Variants in GRM1 observed in about 807,000 individuals in gnomAD.
GRM1 encodes the protein metabotropic glutamate receptor 1.
A neutral mutation model predicts 90.9 loss-of-function variants in GRM1; 33 were observed. That is an observed-to-expected ratio of 0.36 (90% CI 0.28 to 0.49). The LOEUF (loss-of-function observed/expected upper bound fraction) is 0.49. GRM1 is among the 20% of genes least tolerant of loss of function. The pLI is 0.99. For missense variants in GRM1, 1,190 were observed against 1,534.3 expected, an observed-to-expected ratio of 0.78 and a Z score of 3.75; for synonymous variants, 700 against 613.2, an observed-to-expected ratio of 1.14 and a Z score of -2.09.
At chr6:146,189,622 C>T (rs1778866722) in intron 2 of GRM1, among the ~76,000 whole-genome samples, 1 of 152,070 alleles carries the variant, frequency 6.6e-6, no homozygotes, top group Non-Finnish European at 1.5e-5. Context: ...TTAATAAAAA[C>T]CTTCAGTACA....
chr6:146,044,800 AT>A (rs1791262789), intron 1 of GRM1, among the ~76,000 whole-genome samples: 1 of 152,010 alleles, frequency 6.6e-6, no homozygotes, highest in Non-Finnish European at 1.5e-5. Context: ...ATGAAAAAAA[AT>A]CGAGTGAGTG....
chr6:146,166,539 A>G (rs1777910396), intron 2 of GRM1, among the ~76,000 whole-genome samples: 1 of 152,138 alleles, frequency 6.6e-6, no homozygotes, highest in Non-Finnish European at 1.5e-5. Context: ...TCGGAGTAGT[A>G]AAAAACAATT....
intron 1 of GRM1, among the ~76,000 whole-genome samples, chr6:146,128,532 G>A (rs770442060): frequency 1.3e-5 from 2 of 152,062 alleles, no homozygotes; most frequent in Non-Finnish European, 2.9e-5. Context: ...CATGGCTCTA[G>A]AGTTTGTACT....
At chr6:146,057,620 C>A (rs1245450620) in intron 1 of GRM1, among the ~76,000 whole-genome samples, 1 of 152,058 alleles carries the variant, frequency 6.6e-6, no homozygotes, top group Admixed American at 6.6e-5. Flanking sequence ...AGAAGTACAA[C>A]TTGAATAAAG....
chr6:146,029,370 G>C lies in GRM1; in HGVS notation c.-148G>C, dbSNP rs1790624016. ...GAAGGGGAAGGAGGCGGTGGTGGAG[G>C]AGGCAAAGGCCTTGGACGACCATTG... On this transcript the variant is annotated 5_prime_UTR_variant, in exon 1 of 8. Coordinates refer to ENST00000282753, the MANE Select transcript of GRM1 (RefSeq NM_001278064.2). The C allele has an allele frequency of 1.4e-6, 1 of 726,956 alleles. No homozygotes were observed. 45.0% of individuals were successfully genotyped at this position (726,956 alleles called of 1,614,324 possible).
At chr6:146,353,551 TCTCA>T (rs755663628) in intron 4 of GRM1, among the ~76,000 whole-genome samples, 2 of 152,190 alleles carry the variant, frequency 1.3e-5, no homozygotes, top group Non-Finnish European at 2.9e-5. Flanking sequence ...AGGCAAGTGC[TCTCA>T]CTCTGAGGCT....
chr6:146,174,057 C>T (rs574921191), intron 2 of GRM1, among the ~76,000 whole-genome samples: 7 of 151,950 alleles, frequency 4.6e-5, no homozygotes, highest in Admixed American at 2.6e-4. Context: ...TATCTGACAT[C>T]TTATCTCTAA....
intron 1 of GRM1, among the ~76,000 whole-genome samples, chr6:146,142,654 C>T (rs374933186): frequency 7.6e-5 from 11 of 143,870 alleles, no homozygotes; most frequent in Non-Finnish European, 9.2e-5. Context: ...CAAGCAGAGG[C>T]GTTTCTCCGC....
chr6:146,172,566 TA>T (rs1260918386), intron 2 of GRM1, among the ~76,000 whole-genome samples: 1 of 152,012 alleles, frequency 6.6e-6, no homozygotes, highest in East Asian at 1.9e-4. Context: ...AAATATTTGG[TA>T]GAGGAGTGAG....
rs1776749682 is a variant in GRM1, at chr6:146,092,593, A to G, written c.700+62376A>G. Among the ~76,000 whole-genome samples, 3 of 152,010 alleles carry G rather than the reference A, an allele frequency of 2.0e-5. No homozygotes were observed. The South Asian group carries it at 6.2e-4, about 32-fold the overall frequency. On this transcript the variant is annotated intron_variant, in intron 1 of 7. Transcript: ENST00000282753. ...GGCATGGAGTATGGGTATCTGTTTT[A>G]CTCAATGTGTGCTTGGATCAAGGAC...
At chr6:146,310,643 T>A (rs1562599218) in intron 3 of GRM1, among the ~76,000 whole-genome samples, 1 of 152,236 alleles carries the variant, frequency 6.6e-6, no homozygotes, top group Non-Finnish European at 1.5e-5. Flanking sequence ...TACCATTTAT[T>A]AACTCTAAGT....
rs1381323847 is a variant in GRM1, at chr6:146,353,109, A to G, written c.1433+613A>G. Among the ~76,000 whole-genome samples, 8 of 152,292 alleles carry G rather than the reference A, an allele frequency of 5.3e-5. No individual in the cohort carries two copies. The South Asian group carries it at 1.0e-3, about 20-fold the overall frequency. ...AAGTAAACCAAGGTATATACATAAA[A>G]TCCTCTCCAAGCCGTTTTACATACA... On this transcript the variant is annotated intron_variant, in intron 4 of 7. Coordinates refer to ENST00000282753, the MANE Select transcript of GRM1 (RefSeq NM_001278064.2).
chr6:146,280,509 C>T (rs888603909), intron 2 of GRM1, among the ~76,000 whole-genome samples: 3 of 152,272 alleles, frequency 2.0e-5, no homozygotes, highest in Non-Finnish European at 2.9e-5. Context: ...CCTTAATATA[C>T]ACAGAACGCT....
chr6:146,116,870 T>G (rs1414115049), intron 1 of GRM1, among the ~76,000 whole-genome samples: 3 of 152,040 alleles, frequency 2.0e-5, no homozygotes, highest in African/African-American at 7.2e-5. Flanking sequence ...ATTTCTTATT[T>G]TGGCATAAAA....
At chr6:146,073,382 G>A (rs73577002) in intron 1 of GRM1, among the ~76,000 whole-genome samples, 3,263 of 152,180 alleles carry the variant, frequency 0.021, 111 homozygotes, top group African/African-American at 0.074. Flanking sequence ...TTTAAAGTAA[G>A]GCATGGTGTA....
At chr6:146,105,426 A>G (rs1443503503) in intron 1 of GRM1, among the ~76,000 whole-genome samples, 1 of 152,316 alleles carries the variant, frequency 6.6e-6, no homozygotes, top group African/African-American at 2.4e-5. Flanking sequence ...CAAATGAAAC[A>G]TTAGTAGTAA....
At chr6:146,058,083 C>T (rs182974810) in intron 1 of GRM1, among the ~76,000 whole-genome samples, 1 of 152,010 alleles carries the variant, frequency 6.6e-6, no homozygotes, top group South Asian at 2.1e-4. Flanking sequence ...AGTTTTTCCA[C>T]ATTAGTGTTA....
intron 6 of GRM1, among the ~76,000 whole-genome samples, chr6:146,395,522 T>C (rs1005352313): frequency 6.6e-6 from 1 of 152,192 alleles, no homozygotes; most frequent in African/African-American, 2.4e-5. Context: ...TTTTCTGCTC[T>C]TGCATTTAAA....
rs142314991 is a variant in GRM1, at chr6:146,301,007, C to G, written c.951-3604C>G. On this transcript the variant is annotated intron_variant, in intron 2 of 7. Coordinates refer to ENST00000282753, the MANE Select transcript of GRM1 (RefSeq NM_001278064.2). The stretch of plus-strand genomic sequence containing the variant: ...TGACAGGTGATACAAAGATGAAACA[C>G]TTTGAAAGTATAAAAACAGAGGATT... 4.8e-3 allele frequency among the ~76,000 whole-genome samples: 736 copies of G among 152,246 alleles called. 7 individuals are homozygous for G. Among genetic ancestry groups the G allele is most frequent in the African/African-American group, 0.017 (688 of 41,558 alleles).
Sources: gnomAD v4.1 joint callset for allele counts (sites outside exome capture counted in the v4.1 genomes callset) on GRCh38, gnomAD v4.1.1 for gene constraint, MANE v1.5 for transcripts, NCBI Gene and HGNC (gene_info 2026-07-23, HGNC 2026-07-21) for gene names.